Variants in THRB observed in about 807,000 individuals in gnomAD.
THRB encodes the protein nuclear receptor subfamily 1 group A member 2.
Under a neutral mutation model 47.8 loss-of-function variants are expected in THRB, and 12 were observed. That is an observed-to-expected ratio of 0.25 (90% CI 0.16 to 0.41). The LOEUF (loss-of-function observed/expected upper bound fraction) is 0.41, where lower values mean the gene tolerates loss of function less well. THRB is among the 10% of genes least tolerant of loss of function. THRB has a pLI of 1.00. For missense variants in THRB, 348 were observed against 589.2 expected (o/e 0.59, Z 4.24); for synonymous variants, 218 against 212.2 (o/e 1.03, Z -0.24).
chr3:24,330,907 T>C (rs1015601614), intron 2 of THRB, among the ~76,000 whole-genome samples: 1 of 152,210 alleles, frequency 6.6e-6, no homozygotes, highest in African/African-American at 2.4e-5. Flanking sequence ...AAGCTAAGGG[T>C]GTCAAACACA....
At chr3:24,208,843 G>C (rs1051289236) in intron 4 of THRB, among the ~76,000 whole-genome samples, 6 of 152,206 alleles carry the variant, frequency 3.9e-5, no homozygotes, top group African/African-American at 1.4e-4. Flanking sequence ...ATTGACAAAT[G>C]GGTTCTAATT....
At chr3:24,167,496 T>A (rs910732785) in intron 5 of THRB, among the ~76,000 whole-genome samples, 1 of 152,184 alleles carries the variant, frequency 6.6e-6, no homozygotes, top group Non-Finnish European at 1.5e-5. Context: ...TTGGAAGCAA[T>A]AACTATTTTC....
In THRB at chr3:24,120,165, G is replaced by A. The variant is rs2031408875; in HGVS notation, c.*2719C>T. On this transcript the variant is annotated 3_prime_UTR_variant, in exon 11 of 11. Coordinates refer to ENST00000646209, the MANE Select transcript of THRB (RefSeq NM_001354712.2). The stretch of plus-strand genomic sequence containing the variant: ...TACCTCTGTCAGCTTCAGAAGGAAG[G>A]AGTTTAGTTTCAGAGTCATTATCTT... 1 of 152,192 alleles carries A rather than the reference G, an allele frequency of 6.6e-6. No individual in the cohort carries two copies. Among genetic ancestry groups the A allele is most frequent in the South Asian group, 2.1e-4 (1 of 4,826 alleles). 9.4% of individuals were successfully genotyped at this position (152,192 alleles called of 1,614,324 possible). A position where few individuals can be genotyped will look rare whatever the true frequency, so the allele number is the denominator to read the frequency against.
intron 1 of THRB, among the ~76,000 whole-genome samples, chr3:24,360,959 T>C (rs555279891): frequency 6.6e-6 from 1 of 152,280 alleles, no homozygotes; most frequent in East Asian, 1.9e-4. Context: ...GTGATTCTAT[T>C]ATGCAGCCAA....
intron 1 of THRB, among the ~76,000 whole-genome samples, chr3:24,413,689 G>T (rs1014239631): frequency 4.0e-5 from 6 of 151,496 alleles, no homozygotes; most frequent in South Asian, 2.1e-4. Context: ...TTTACATTAG[G>T]TATACCTCCT....
Position 24,254,047 on chromosome 3 carries a change from A to C in THRB, c.-42-25046T>G, listed in dbSNP as rs557527395. Among the ~76,000 whole-genome samples, 49 of 151,542 alleles carry C rather than the reference A, an allele frequency of 3.2e-4. No homozygotes were observed. In the East Asian group the frequency reaches 7.8e-3, roughly 24 times the overall value. ...GTCTATTCACTAGATTTGATTATTCATAACATTTGGGTTTTTCTAAAAATC... is the reference window on the plus strand; with the variant it reads ...GTCTATTCACTAGATTTGATTATTCCTAACATTTGGGTTTTTCTAAAAATC... On this transcript the variant is annotated intron_variant, in intron 3 of 10. Transcript: ENST00000646209.
chr3:24,395,011 T>A (rs1317247598), intron 1 of THRB, among the ~76,000 whole-genome samples: 1 of 152,080 alleles, frequency 6.6e-6, no homozygotes, highest in Non-Finnish European at 1.5e-5. Context: ...CCATGCCCCA[T>A]GAAGTTTGTC....
intron 1 of THRB, among the ~76,000 whole-genome samples, chr3:24,435,028 A>G (rs1274876249): frequency 6.6e-6 from 1 of 152,196 alleles, no homozygotes; most frequent in Non-Finnish European, 1.5e-5. Flanking sequence ...GTATGTGGCA[A>G]TAATTGAGGT....
chr3:24,267,435 A>G (rs947896109), intron 3 of THRB, among the ~76,000 whole-genome samples: 9 of 152,116 alleles, frequency 5.9e-5, no homozygotes, highest in African/African-American at 1.9e-4. Flanking sequence ...AAAGAGTGAT[A>G]AACAATGACT....
intron 1 of THRB, among the ~76,000 whole-genome samples, chr3:24,470,836 C>A (rs1033430256): frequency 6.6e-6 from 1 of 152,122 alleles, no homozygotes; most frequent in African/African-American, 2.4e-5. Context: ...AGGCTGGTCT[C>A]GAACTCCTGA....
At chr3:24,248,682 A>T (rs1236701810) in intron 3 of THRB, among the ~76,000 whole-genome samples, 1 of 152,120 alleles carries the variant, frequency 6.6e-6, no homozygotes, top group African/African-American at 2.4e-5. Flanking sequence ...TCCAGTAGTC[A>T]CTGCTGTCTG....
intron 2 of THRB, among the ~76,000 whole-genome samples, chr3:24,331,683 G>GTA (rs916389940): frequency 1.3e-5 from 2 of 151,088 alleles, no homozygotes; most frequent in African/African-American, 4.9e-5. Flanking sequence ...CGTGTATGGT[G>GTA]TGTGTGTGTG....
chr3:24,249,746 T>C (rs921541349), intron 3 of THRB, among the ~76,000 whole-genome samples: 16 of 136,350 alleles, frequency 1.2e-4, no homozygotes, highest in African/African-American at 5.5e-4. Context: ...CAGTCTGCTC[T>C]ATAAGGAGTG....
intron 2 of THRB, among the ~76,000 whole-genome samples, chr3:24,326,912 G>A (rs540327264): frequency 5.9e-5 from 9 of 151,546 alleles, no homozygotes; most frequent in African/African-American, 9.7e-5. Flanking sequence ...CTACAGGTGC[G>A]TGCCACCATG....
intron 3 of THRB, among the ~76,000 whole-genome samples, chr3:24,289,329 C>G (rs1203704815): frequency 1.3e-5 from 2 of 152,208 alleles, no homozygotes; most frequent in African/African-American, 4.8e-5. Flanking sequence ...AACACAAGTT[C>G]AAATGTGCTT....
chr3:24,278,384 A>T (rs1456522003), intron 3 of THRB, among the ~76,000 whole-genome samples: 1 of 152,190 alleles, frequency 6.6e-6, no homozygotes, highest in Non-Finnish European at 1.5e-5. Flanking sequence ...ATATATTAAA[A>T]ATCAGGCAGA....
intron 3 of THRB, among the ~76,000 whole-genome samples, chr3:24,284,962 G>C (rs966326914): frequency 5.9e-5 from 9 of 152,196 alleles, no homozygotes; most frequent in East Asian, 3.9e-4. Context: ...GGAGAAATAG[G>C]AACACTTTTA....
chr3:24,270,238 T>C (rs895354045), intron 3 of THRB, among the ~76,000 whole-genome samples: 1 of 152,230 alleles, frequency 6.6e-6, no homozygotes, highest in African/African-American at 2.4e-5. Flanking sequence ...ATGCCTGATG[T>C]GTTAGACACT....
chr3:24,242,756 A>G (rs952064412), intron 3 of THRB, among the ~76,000 whole-genome samples: 1 of 152,116 alleles, frequency 6.6e-6, no homozygotes, highest in Non-Finnish European at 1.5e-5. Flanking sequence ...GCAGAGAGAA[A>G]GCCTTGCTCT....
Sources: gnomAD v4.1 joint callset for allele counts (sites outside exome capture counted in the v4.1 genomes callset) on GRCh38, gnomAD v4.1.1 for gene constraint, MANE v1.5 for transcripts, NCBI Gene and HGNC (gene_info 2026-07-23, HGNC 2026-07-21) for gene names.